HARBI1: variants seen among roughly 807,000 people sequenced by gnomAD.
HARBI1 encodes the protein harbinger transposase derived 1, also known as putative nuclease HARBI1.
HARBI1 carries 15 observed loss-of-function variants against 25.3 expected under a neutral mutation model. The ratio of observed to expected loss-of-function variants is 0.59; its 90% CI spans 0.40 to 0.91. The LOEUF (loss-of-function observed/expected upper bound fraction) is 0.91. Among genes scored for constraint, HARBI1 ranks in the 40% least tolerant of loss-of-function variants. HARBI1 has a pLI of 0.00. For missense variants in HARBI1, 396 were observed against 445.8 expected, an observed-to-expected ratio of 0.89 and a Z score of 1.01; for synonymous variants, 168 against 160.5, an observed-to-expected ratio of 1.05 and a Z score of -0.35.
At chr11:46,616,537 A>T in intron 1 of HARBI1, 156 bp from the exon 2 acceptor site, 1 of 1,167,920 alleles carries the variant, frequency 8.6e-7, no homozygotes, top group Non-Finnish European at 1.1e-6. Context: ...TCATGGCTGC[A>T]CGACAGGCTT....
At chr11:46,610,645 C>T (rs560073959) in intron 2 of HARBI1, among the ~76,000 whole-genome samples, 2 of 152,090 alleles carry the variant, frequency 1.3e-5, no homozygotes, top group East Asian at 1.9e-4. Flanking sequence ...GGCGACAGAG[C>T]GAGACTCCGT....
chr11:46,604,361 C>A (rs2044859715), intron 2 of HARBI1: 1 of 795,830 alleles, frequency 1.3e-6, no homozygotes, highest in Non-Finnish European at 1.5e-6. Context: ...GCCAAGATCA[C>A]GCCATTGCAC....
At position 46,607,241 on chromosome 11, in the gene HARBI1, G is replaced by A. The variant is rs542802606; in HGVS notation, c.671-3332C>T. On this transcript the variant is annotated intron_variant, in intron 2 of 2. Transcript: ENST00000326737. ...CACGCCACTGCACTCCAGCCAAGGC[G>A]ACAGGGTGAGACTGTCTCAAAAAAA... Among the ~76,000 whole-genome samples, 91 of 137,452 alleles carry A rather than the reference G, an allele frequency of 6.6e-4. No individual in the cohort carries two copies. The East Asian group carries it at 8.9e-3, about 13-fold the overall frequency. 90.2% of individuals were successfully genotyped at this position (137,452 alleles called of 152,430 possible). A position where few individuals can be genotyped will look rare whatever the true frequency, so the allele number is the denominator to read the frequency against.
chr11:46,615,544 G>C, intron 2 of HARBI1, 24 bp downstream of exon 2: 1 of 1,601,954 alleles, frequency 6.2e-7, no homozygotes, highest in South Asian at 1.1e-5. Flanking sequence ...CAAACAAAAT[G>C]AAAATTCACA....
chr11:46,610,343 TATA>T (rs1179305854), intron 2 of HARBI1, among the ~76,000 whole-genome samples: 3 of 144,182 alleles, frequency 2.1e-5, no homozygotes, highest in African/African-American at 8.1e-5. Context: ...TGTGTATGTA[TATA>T]ATATATATAT....
chr11:46,614,259 C>T (rs988806556), intron 2 of HARBI1, among the ~76,000 whole-genome samples: 6 of 151,796 alleles, frequency 4.0e-5, no homozygotes, highest in South Asian at 4.1e-4. Flanking sequence ...GAAACCCCGT[C>T]TCTACTAAAA....
chr11:46,603,378 C>T lies in HARBI1; in HGVS notation c.*152G>A. ...AATGAATCAAGATATTCTGGCATAG[C>T]CCCAACCTTACCAAAACACACATAT... On this transcript the variant is annotated 3_prime_UTR_variant, in exon 3 of 3. Transcript: ENST00000326737. The T allele has an allele frequency of 2.8e-6, 2 of 726,562 alleles. No homozygotes were observed. The highest frequency in any genetic ancestry group is 4.5e-6 in the Non-Finnish European group (2 of 440,724). 45.0% of individuals were successfully genotyped at this position (726,562 alleles called of 1,614,324 possible).
intron 2 of HARBI1, among the ~76,000 whole-genome samples, chr11:46,609,115 G>A (rs1206183464): frequency 1.3e-5 from 2 of 151,822 alleles, no homozygotes; most frequent in East Asian, 3.9e-4. Context: ...GAAGAGATGG[G>A]ATTTCACCAT....
Position 46,603,734 on chromosome 11 carries a change from C to A in HARBI1, c.846G>T (p.Gln282His). Residue 282 changes from glutamine (Q) to histidine (H), a missense_variant, in exon 3 of 3, where the codon CAG becomes CAT. Transcript: ENST00000326737. The stretch of plus-strand genomic sequence containing the variant: ...TATGGCTGGATTTCTCTGGTGAGTA[C>A]TGCAGTGCCCCCTTGGATCCATCCA... ...RCLDGSKGAL[Q>H]YSPEKSSHII... The A allele has an allele frequency of 6.2e-7, 1 of 1,614,166 alleles. No homozygotes were observed. The highest frequency in any genetic ancestry group is 1.1e-5 in the South Asian group (1 of 91,088).
intron 2 of HARBI1, among the ~76,000 whole-genome samples, chr11:46,605,330 A>C (rs578229183): frequency 2.0e-5 from 3 of 151,840 alleles, no homozygotes; most frequent in Admixed American, 6.6e-5. Flanking sequence ...AGCCTCCCGA[A>C]TATCTGGGAC....
rs751471391 is a variant in HARBI1 at position 46,615,564 on chromosome 11, T to C, written c.670+4A>G. On this transcript the variant is annotated splice_donor_region_variant and intron_variant, in intron 2 of 2. Coordinates refer to ENST00000326737, the MANE Select transcript of HARBI1 (RefSeq NM_173811.4). ...AAAATGAAAATTCACACTTGCAAAC[T>C]TACCCAGAAGCCAGCTATCTTTGTG... The C allele has an allele frequency of 1.6e-5, 25 of 1,610,250 alleles. No homozygotes were observed. Among genetic ancestry groups the C allele is most frequent in the Admixed American group, 3.3e-5 (2 of 59,740 alleles).
chr11:46,616,831 C>CAAAAAAAAAAAAAAAAAAAAAAAAAAAA lies in HARBI1; in HGVS notation c.-145+265_-145+292dup, dbSNP rs749013239. On this transcript the variant is annotated intron_variant, in intron 1 of 2. Coordinates refer to ENST00000326737, the MANE Select transcript of HARBI1 (RefSeq NM_173811.4). The stretch of plus-strand genomic sequence containing the variant: ...ACCAGTCTAACAAGAAAAGAAGGGG[C>CAAAAAAAAAAAAAAAAAAAAAAAAAAAA]AAAAAAAAAAAAAAAAAAAAAAAAA... 9.6e-6 allele frequency: 4 copies of CAAAAAAAAAAAAAAAAAAAAAAAAAAAA among 415,678 alleles called. 1 individual carries two copies. In the African/African-American group the frequency reaches 3.5e-4, roughly 37 times the overall value. 25.7% of individuals were successfully genotyped at this position (415,678 alleles called of 1,614,324 possible). A position where few individuals can be genotyped will look rare whatever the true frequency, so the allele number is the denominator to read the frequency against.
intron 2 of HARBI1, among the ~76,000 whole-genome samples, chr11:46,607,342 GAGA>G (rs1253119649): frequency 5.3e-5 from 8 of 151,306 alleles, no homozygotes; most frequent in Admixed American, 2.0e-4. Context: ...TTTTTCAAAT[GAGA>G]AGATCAAAGT....
Position 46,617,139 on chromosome 11 carries a change from A to G in HARBI1, c.-160T>C, listed in dbSNP as rs1405122032. 2 of 374,886 alleles carry G rather than the reference A, an allele frequency of 5.3e-6. No homozygotes were observed. The highest frequency in any genetic ancestry group is 7.4e-6 in the Non-Finnish European group (2 of 272,076). The allele number at this position is 374,886 out of a possible 1,614,324, so 23.2% of individuals were successfully genotyped here. On this transcript the variant is annotated 5_prime_UTR_variant, in exon 1 of 3. Coordinates refer to ENST00000326737, the MANE Select transcript of HARBI1 (RefSeq NM_173811.4). ...CGTCACCCACCTCTCCGCGGCTGCC[A>G]GGTTACCAGCCACACTTCCCACCCA... is the stretch of plus-strand genomic sequence containing the variant.
intron 2 of HARBI1, among the ~76,000 whole-genome samples, chr11:46,610,585 G>A (rs542395436): frequency 6.4e-4 from 98 of 151,938 alleles, no homozygotes; most frequent in Middle Eastern, 3.4e-3. Flanking sequence ...CTGTGAACCC[G>A]GGAGGCGGAG....
intron 2 of HARBI1, among the ~76,000 whole-genome samples, chr11:46,607,911 CA>C (rs201193777): frequency 0.33 from 24,689 of 74,876 alleles, 2,298 homozygotes; most frequent in African/African-American, 0.44. Flanking sequence ...AAAAATAATG[CA>C]AAAAAAAAAA....
In HARBI1 at chr11:46,603,480, GA is replaced by G; in HGVS notation, c.*49del. On this transcript the variant is annotated 3_prime_UTR_variant, in exon 3 of 3. Transcript: ENST00000326737. ...GAACTGTGTAAAAGGTGATGAGGAG[GA>G]AAGTCTGTCACAACTCCTGGGAAGT... The G allele has an allele frequency of 1.6e-5, 24 of 1,500,658 alleles. No individual in the cohort carries two copies. The highest frequency in any genetic ancestry group is 2.2e-5 in the Non-Finnish European group (24 of 1,110,656). 93.0% of individuals were successfully genotyped at this position (1,500,658 alleles called of 1,614,324 possible).
chr11:46,615,073 C>T (rs1183643085), intron 2 of HARBI1, among the ~76,000 whole-genome samples: 3 of 151,740 alleles, frequency 2.0e-5, no homozygotes, highest in African/African-American at 4.8e-5. Context: ...CTACTACGCC[C>T]GGCTAATTTT....
At chr11:46,615,179 TAGGATAACAGGCATG>T (rs2045329756) in intron 2 of HARBI1, among the ~76,000 whole-genome samples, 1 of 151,856 alleles carries the variant, frequency 6.6e-6, no homozygotes, top group African/African-American at 2.4e-5. Flanking sequence ...CCCAAAGTGC[TAGGATAACAGGCATG>T]AGCTACACGT....
Sources: allele counts gnomAD v4.1 joint callset (sites outside exome capture counted in the v4.1 genomes callset), GRCh38; gene constraint gnomAD v4.1.1; transcripts MANE v1.5; gene names NCBI Gene and HGNC (gene_info 2026-07-23, HGNC 2026-07-21).